Variants in SMAD5 observed in about 807,000 individuals in gnomAD.
SMAD5 encodes MAD, mothers against decapentaplegic homolog 5.
SMAD5 carries 9 observed loss-of-function variants against 43.1 expected under a neutral mutation model. The observed-to-expected ratio is 0.21, with a 90% CI of 0.13 to 0.36. The LOEUF (loss-of-function observed/expected upper bound fraction) is 0.36, where lower values mean the gene tolerates loss of function less well. Among genes scored for constraint, SMAD5 ranks in the 10% least tolerant of loss-of-function variants. SMAD5 has a pLI of 1.00. For synonymous variants in SMAD5, 190 were observed against 192.4 expected (o/e 0.99, Z 0.10); for missense variants, 348 against 574.0 (o/e 0.61, Z 4.02).
chr5:136,173,225 C>CA (rs34890856), intron 6 of SMAD5, among the ~76,000 whole-genome samples: 54,229 of 151,900 alleles, frequency 0.36, 10,561 homozygotes, highest in African/African-American at 0.53. Context: ...ATTCATCCTG[C>CA]AGATAGTTGC....
At chr5:136,145,036 G>A (rs1247390289) in intron 1 of SMAD5, among the ~76,000 whole-genome samples, 10 of 151,962 alleles carry the variant, frequency 6.6e-5, no homozygotes, top group African/African-American at 2.2e-4. Flanking sequence ...GACAGATACT[G>A]GGGGCAAGTG....
At chr5:136,139,880 A>AT (rs979875794) in intron 1 of SMAD5, among the ~76,000 whole-genome samples, 19 of 151,084 alleles carry the variant, frequency 1.3e-4, no homozygotes, top group Admixed American at 4.0e-4. Context: ...ATTAAAAACA[A>AT]TTTTTTTTTG....
intron 1 of SMAD5, among the ~76,000 whole-genome samples, chr5:136,141,910 G>T (rs1753093307): frequency 6.6e-6 from 1 of 152,134 alleles, no homozygotes. Flanking sequence ...TTTAGTAAGG[G>T]TTCATAATAT....
rs1168507033 is a variant in SMAD5, at chr5:136,178,573, G to A, written c.*1093G>A. The A allele has an allele frequency of 6.6e-6, 1 of 152,114 alleles. No homozygotes were observed. The highest frequency in any genetic ancestry group is 1.9e-4 in the East Asian group (1 of 5,196). The allele number at this position is 152,114 out of a possible 1,614,324, so 9.4% of individuals were successfully genotyped here. ...CTTTTTAATTCCCTACAGTTTTATG[G>A]GTGTTATCAGTGCTGGAGAATCATG... is the stretch of plus-strand genomic sequence containing the variant. On this transcript the variant is annotated 3_prime_UTR_variant, in exon 8 of 8. Transcript: ENST00000545279.
chr5:136,172,527 C>A lies in SMAD5; in HGVS notation c.869C>A (p.Ser290Tyr). 1 of 1,611,160 alleles carries A rather than the reference C, an allele frequency of 6.2e-7. No homozygotes were observed. The highest frequency in any genetic ancestry group is 8.5e-7 in the Non-Finnish European group (1 of 1,177,436). Residue 290 changes from serine to tyrosine, a missense_variant, in exon 6 of 8, where the codon TCT becomes TAT. Around this residue, in one of 5 missense-constraint regions of SMAD5, gnomAD observed 185 missense variants for 207.0 expected, o/e 0.89. Transcript: ENST00000545279. ...CGTGTTGGAGAAGCTTTTCATGCAT[C>A]TTCTACTAGTGTGTTAGTAGATGGA... ...NNRVGEAFHA[S>Y]STSVLVDGFT...
intron 2 of SMAD5, among the ~76,000 whole-genome samples, chr5:136,153,214 C>T (rs1219486283): frequency 1.3e-5 from 2 of 152,092 alleles, no homozygotes; most frequent in African/African-American, 2.4e-5. Context: ...GACACAATCA[C>T]GTTCAAAATT....
rs549137202 is a variant in SMAD5 at position 136,163,928 on chromosome 5, C to T, written c.775+537C>T. 7.6e-4 allele frequency among the ~76,000 whole-genome samples: 115 copies of T among 152,304 alleles called. 2 individuals are homozygous for T. Among genetic ancestry groups the T allele is most frequent in the Middle Eastern group, 3.4e-3 (1 of 294 alleles). On this transcript the variant is annotated intron_variant, in intron 5 of 7. Coordinates refer to ENST00000545279, the MANE Select transcript of SMAD5 (RefSeq NM_005903.7). Reference sequence around the variant, plus strand: ...GGGCTCAGTGGCTCACGCCTGTAATCGTAGCACTTTGGGAGGCCAAGGCGG... The same window carrying T: ...GGGCTCAGTGGCTCACGCCTGTAATTGTAGCACTTTGGGAGGCCAAGGCGG...
At position 136,163,254 on chromosome 5, in the gene SMAD5, TA is replaced by T. The variant is rs771341103; in HGVS notation, c.656-17del. ...TGAGCAGAATGAAGATTTTAATTATTATTTTTTTTCCTCTTAGCTGATACGC... is the reference window on the plus strand; with the variant it reads ...TGAGCAGAATGAAGATTTTAATTATTTTTTTTTTCCTCTTAGCTGATACGC... On this transcript the variant is annotated splice_polypyrimidine_tract_variant and intron_variant, in intron 4 of 7. Coordinates refer to ENST00000545279, the MANE Select transcript of SMAD5 (RefSeq NM_005903.7). 6 of 1,565,816 alleles carry T rather than the reference TA, an allele frequency of 3.8e-6. No homozygotes were observed. Among genetic ancestry groups the T allele is most frequent in the South Asian group, 2.3e-5 (2 of 85,700 alleles).
intron 1 of SMAD5, among the ~76,000 whole-genome samples, chr5:136,136,155 T>A (rs1752868779): frequency 1.3e-5 from 2 of 152,248 alleles, no homozygotes; most frequent in South Asian, 4.2e-4. Flanking sequence ...TCAAAACAGA[T>A]GATGAAGGAC....
chr5:136,133,275 AC>A, intron 1 of SMAD5: 1 of 152,360 alleles, frequency 6.6e-6, no homozygotes, highest in Non-Finnish European at 1.5e-5. Context: ...CCTGGAGGGG[AC>A]CCCCTGACCC....
At chr5:136,149,425 A>AC in intron 2 of SMAD5, among the ~76,000 whole-genome samples, 1 of 151,500 alleles carries the variant, frequency 6.6e-6, no homozygotes, top group Non-Finnish European at 1.5e-5. Context: ...GGACTAATGT[A>AC]TATTCCTACT....
intron 5 of SMAD5, 77 bp downstream of exon 5, chr5:136,163,468 T>C (rs1053695765): frequency 1.7e-6 from 2 of 1,190,084 alleles, no homozygotes; most frequent in Non-Finnish European, 2.3e-6. Flanking sequence ...TAAAAACAGC[T>C]TTATTGAGGT....
chr5:136,173,810 A>T (rs1754309247), intron 6 of SMAD5, among the ~76,000 whole-genome samples: 1 of 151,652 alleles, frequency 6.6e-6, no homozygotes, highest in Non-Finnish European at 1.5e-5. Flanking sequence ...ATATATTTTT[A>T]AAATTTTTAT....
chr5:136,136,382 T>C (rs1456589573), intron 1 of SMAD5, among the ~76,000 whole-genome samples: 2 of 152,204 alleles, frequency 1.3e-5, no homozygotes, highest in African/African-American at 2.4e-5. Flanking sequence ...TTCACCATGT[T>C]CGCCAGGCTG....
At chr5:136,137,941 C>G (rs68105045) in intron 1 of SMAD5, among the ~76,000 whole-genome samples, 2,677 of 152,282 alleles carry the variant, frequency 0.018, 37 homozygotes, top group Non-Finnish European at 0.026. Flanking sequence ...GCTCCAGAGA[C>G]ACATTTTACA....
chr5:136,167,291 T>C (rs1754051593), intron 5 of SMAD5, among the ~76,000 whole-genome samples: 1 of 152,166 alleles, frequency 6.6e-6, no homozygotes, highest in Non-Finnish European at 1.5e-5. Flanking sequence ...TGTATAAACT[T>C]TGTATAAACT....
chr5:136,172,177 G>A (rs1028649907), intron 5 of SMAD5, among the ~76,000 whole-genome samples: 23 of 152,092 alleles, frequency 1.5e-4, no homozygotes, highest in Non-Finnish European at 1.9e-4. Flanking sequence ...TCAGCCTTAC[G>A]GTATTTTATA....
intron 1 of SMAD5, among the ~76,000 whole-genome samples, chr5:136,145,763 G>A (rs1038365120): frequency 6.6e-6 from 1 of 151,834 alleles, no homozygotes; most frequent in Non-Finnish European, 1.5e-5. Context: ...TAGTATTCAC[G>A]ATACAAAATA....
At chr5:136,138,927 A>G (rs1752977041) in intron 1 of SMAD5, among the ~76,000 whole-genome samples, 2 of 152,200 alleles carry the variant, frequency 1.3e-5, no homozygotes, top group Admixed American at 6.5e-5. Flanking sequence ...TTAGAATACA[A>G]TGGGTTGTGA....
Sources: allele counts gnomAD v4.1 joint callset (sites outside exome capture counted in the v4.1 genomes callset), GRCh38; gene constraint gnomAD v4.1.1; regional missense constraint gnomAD v4.1.1; transcripts MANE v1.5; gene names NCBI Gene and HGNC (gene_info 2026-07-23, HGNC 2026-07-21).